TSPAN3: variants seen among roughly 807,000 people sequenced by gnomAD.
The protein encoded by TSPAN3 is tetraspanin 3.
TSPAN3 carries 9 observed loss-of-function variants against 31.1 expected under a neutral mutation model. The observed-to-expected ratio is 0.29, with a 90% CI of 0.17 to 0.50. The LOEUF (loss-of-function observed/expected upper bound fraction) is 0.50. Ranked by LOEUF, TSPAN3 falls within the 20% of genes least tolerant of loss-of-function variation. The pLI is 0.98. For missense variants in TSPAN3, 252 were observed against 313.5 expected (o/e 0.80, Z 1.48); for synonymous variants, 129 against 114.3 (o/e 1.13, Z -0.82).
chr15:77,061,559 G>A (rs1045137091), intron 1 of TSPAN3, among the ~76,000 whole-genome samples: 4 of 152,004 alleles, frequency 2.6e-5, no homozygotes, highest in Non-Finnish European at 5.9e-5. Flanking sequence ...GTTAAAATCT[G>A]TAAAACTATT....
Position 77,044,921 on chromosome 15 carries a change from G to T in TSPAN3, c.*1914C>A, listed in dbSNP as rs1596153808. The T allele has an allele frequency of 6.6e-6, 1 of 152,150 alleles. No homozygotes were observed. The highest frequency in any genetic ancestry group is 2.1e-4 in the South Asian group (1 of 4,826). The allele number at this position is 152,150 out of a possible 1,614,324, so 9.4% of individuals were successfully genotyped here. A position where few individuals can be genotyped will look rare whatever the true frequency, so the allele number is the denominator to read the frequency against. On this transcript the variant is annotated 3_prime_UTR_variant, in exon 7 of 7. Coordinates refer to ENST00000267970, the MANE Select transcript of TSPAN3 (RefSeq NM_005724.6). ...CTTGCCCACTGTGCAACAGGCAGGG[G>T]CAAGAGGTGGGATGGGTCAGTAGTC...
intron 6 of TSPAN3, among the ~76,000 whole-genome samples, chr15:77,047,306 T>C (rs1012992756): frequency 6.6e-6 from 1 of 152,144 alleles, no homozygotes; most frequent in African/African-American, 2.4e-5. Flanking sequence ...TGCAACTGAG[T>C]TGCACTTTTA....
chr15:77,048,215 T>G (rs960993791), intron 6 of TSPAN3, among the ~76,000 whole-genome samples: 1 of 152,190 alleles, frequency 6.6e-6, no homozygotes, highest in Non-Finnish European at 1.5e-5. Flanking sequence ...ACCTAATTCC[T>G]AGAGAAATAC....
intron 1 of TSPAN3, chr15:77,067,506 C>G (rs995784873): frequency 2.0e-5 from 3 of 152,148 alleles, no homozygotes; most frequent in African/African-American, 4.8e-5. Context: ...CAGCCATTAC[C>G]ATCTGACAGT....
At chr15:77,062,126 C>T (rs541987589) in intron 1 of TSPAN3, among the ~76,000 whole-genome samples, 1 of 152,272 alleles carries the variant, frequency 6.6e-6, no homozygotes, top group South Asian at 2.1e-4. Flanking sequence ...CCAGAGTTTC[C>T]TGTACTGTCA....
chr15:77,069,594 C>T (rs1486431958), intron 1 of TSPAN3, among the ~76,000 whole-genome samples: 1 of 152,230 alleles, frequency 6.6e-6, no homozygotes, highest in African/African-American at 2.4e-5. Context: ...ACTCTTCACA[C>T]ACAAACGCCC....
chr15:77,046,502 G>A lies in TSPAN3; in HGVS notation c.*333C>T, dbSNP rs2076692029. 3 of 420,692 alleles carry A rather than the reference G, an allele frequency of 7.1e-6. No individual in the cohort carries two copies. Among genetic ancestry groups the A allele is most frequent in the Admixed American group, 4.0e-5 (1 of 25,270 alleles). 26.1% of individuals were successfully genotyped at this position (420,692 alleles called of 1,614,324 possible). On this transcript the variant is annotated 3_prime_UTR_variant, in exon 7 of 7. Coordinates refer to ENST00000267970, the MANE Select transcript of TSPAN3 (RefSeq NM_005724.6). ...GACTGAAAGGACCTGGTGACATTTC[G>A]GCATCAGTCCTGTTACCACTTGGAG...
intron 1 of TSPAN3, chr15:77,063,340 ATG>A (rs1368400390): frequency 6.6e-6 from 1 of 151,890 alleles, no homozygotes; most frequent in East Asian, 1.9e-4. Flanking sequence ...GTAAAGTTTT[ATG>A]TGTGTTTTTT....
intron 6 of TSPAN3, among the ~76,000 whole-genome samples, chr15:77,051,065 T>TA (rs2076727339): frequency 6.6e-6 from 1 of 152,080 alleles, no homozygotes; most frequent in South Asian, 2.1e-4. Context: ...TTTTTCTTTT[T>TA]TAAAAAAAAT....
intron 6 of TSPAN3, among the ~76,000 whole-genome samples, chr15:77,047,153 G>C (rs560253453): frequency 6.6e-6 from 1 of 152,176 alleles, no homozygotes; most frequent in Non-Finnish European, 1.5e-5. Flanking sequence ...AAGCCAGCAG[G>C]GAATCAAGTC....
chr15:77,048,297 A>G (rs2076707232), intron 6 of TSPAN3, among the ~76,000 whole-genome samples: 1 of 152,142 alleles, frequency 6.6e-6, no homozygotes, highest in Admixed American at 6.5e-5. Context: ...TTCTCAGGCA[A>G]TGTTAAATTG....
intron 6 of TSPAN3, among the ~76,000 whole-genome samples, chr15:77,051,164 G>A (rs1186656536): frequency 6.6e-6 from 1 of 151,942 alleles, no homozygotes; most frequent in African/African-American, 2.4e-5. Context: ...CTCCCAAAGT[G>A]CTGGGATTAC....
chr15:77,051,682 C>A (rs2076731978), intron 6 of TSPAN3, among the ~76,000 whole-genome samples: 2 of 146,786 alleles, frequency 1.4e-5, no homozygotes, highest in Admixed American at 6.8e-5. Flanking sequence ...GACCCCATTT[C>A]TGGAAAAAAA....
intron 6 of TSPAN3, among the ~76,000 whole-genome samples, chr15:77,048,830 AACTG>A (rs1174699916): frequency 6.6e-6 from 1 of 152,228 alleles, no homozygotes. Flanking sequence ...TGATTAAAAA[AACTG>A]ACTGGCAAAG....
intron 6 of TSPAN3, among the ~76,000 whole-genome samples, chr15:77,048,448 T>C (rs914678873): frequency 2.7e-5 from 4 of 149,900 alleles, no homozygotes; most frequent in Non-Finnish European, 3.0e-5. Context: ...AGGTCTGAAA[T>C]AAGTATTTCT....
At chr15:77,062,755 C>T (rs1420617365) in intron 1 of TSPAN3, among the ~76,000 whole-genome samples, 1 of 152,050 alleles carries the variant, frequency 6.6e-6, no homozygotes, top group African/African-American at 2.4e-5. Flanking sequence ...GGTAATTCAT[C>T]GAGATGTTGT....
chr15:77,054,249 T>C lies in TSPAN3; in HGVS notation c.361A>G (p.Lys121Glu). Residue 121 changes from lysine (K) to glutamate (E), a missense_variant, in exon 4 of 7, where the codon AAA becomes GAA. Transcript: ENST00000267970. ...VENEVDRSIQ[K>E]VYKTYNGTNP... ...GTTCCATTGTAGGTCTTATACACTTTCTGAATGCTGCGATCAACCTCATTT... is the reference window on the plus strand; with the variant it reads ...GTTCCATTGTAGGTCTTATACACTTCCTGAATGCTGCGATCAACCTCATTT... 8 of 1,613,682 alleles carry C rather than the reference T, an allele frequency of 5.0e-6. No homozygotes were observed. Among genetic ancestry groups the C allele is most frequent in the African/African-American group, 2.7e-5 (2 of 75,038 alleles).
chr15:77,064,428 C>T (rs527356112), intron 1 of TSPAN3: 1 of 151,644 alleles, frequency 6.6e-6, no homozygotes, highest in South Asian at 2.1e-4. Context: ...AATACATTTT[C>T]TGAAAAAAAA....
chr15:77,048,372 C>T (rs1443102721), intron 6 of TSPAN3, among the ~76,000 whole-genome samples: 1 of 151,216 alleles, frequency 6.6e-6, no homozygotes, highest in Admixed American at 6.6e-5. Flanking sequence ...TCTCTTCCCA[C>T]CCCCACCTCC....
Sources: allele counts gnomAD v4.1 joint callset (sites outside exome capture counted in the v4.1 genomes callset), GRCh38; gene constraint gnomAD v4.1.1; transcripts MANE v1.5; gene names NCBI Gene and HGNC (gene_info 2026-07-23, HGNC 2026-07-21).